Variants in CLSTN2 observed in about 807,000 individuals in gnomAD.
The protein encoded by CLSTN2 is calsyntenin-2.
In CLSTN2, 48 loss-of-function variants were observed where a neutral mutation model predicts 101.2. That is an observed-to-expected ratio of 0.47 (90% CI 0.38 to 0.60). The LOEUF is 0.60. CLSTN2 is among the 20% of genes least tolerant of loss of function. The probability of loss-of-function intolerance (pLI) is 0.00; values close to 1 mark genes in which losing one functional copy is unlikely to be tolerated. For missense variants in CLSTN2, 1,160 were observed against 1,238.2 expected (o/e 0.94, Z 0.95); for synonymous variants, 481 against 463.6 (o/e 1.04, Z -0.48).
intron 1 of CLSTN2, among the ~76,000 whole-genome samples, chr3:139,977,389 G>T (rs924262608): frequency 2.6e-5 from 4 of 152,106 alleles, no homozygotes; most frequent in Non-Finnish European, 5.9e-5. Flanking sequence ...TGGCATCCCT[G>T]GGCTCAGGCC....
intron 2 of CLSTN2, among the ~76,000 whole-genome samples, chr3:140,196,909 C>T (rs2010650431): frequency 6.6e-6 from 1 of 152,212 alleles, no homozygotes; most frequent in Admixed American, 6.5e-5. Flanking sequence ...TTGAAATTTT[C>T]AGAGGTCGTT....
At chr3:140,052,926 G>C (rs980167946) in intron 1 of CLSTN2, among the ~76,000 whole-genome samples, 1 of 152,206 alleles carries the variant, frequency 6.6e-6, no homozygotes, top group Admixed American at 6.5e-5. Context: ...TGTGGTTGCA[G>C]CACATTGTTT....
chr3:140,503,875 C>A (rs548243407), intron 8 of CLSTN2, among the ~76,000 whole-genome samples: 97 of 152,294 alleles, frequency 6.4e-4, no homozygotes, highest in Non-Finnish European at 1.1e-3. Flanking sequence ...GTGGTGGGGT[C>A]TCCTTCCAAG....
chr3:140,111,476 C>A (rs2009154589), intron 1 of CLSTN2, among the ~76,000 whole-genome samples: 1 of 152,122 alleles, frequency 6.6e-6, no homozygotes. Flanking sequence ...ACCCCTGAAG[C>A]CAAGTGGTGG....
At chr3:140,188,549 T>C (rs569102337) in intron 2 of CLSTN2, among the ~76,000 whole-genome samples, 2 of 152,238 alleles carry the variant, frequency 1.3e-5, no homozygotes, top group Admixed American at 1.3e-4. Context: ...CAGATCACCA[T>C]GCACATGCTT....
At chr3:140,002,719 C>A (rs2006867702) in intron 1 of CLSTN2, among the ~76,000 whole-genome samples, 1 of 152,046 alleles carries the variant, frequency 6.6e-6, no homozygotes, top group Non-Finnish European at 1.5e-5. Context: ...GTCTTTAATC[C>A]ATTTTGATTT....
At chr3:140,084,319 C>T (rs2008645573) in intron 1 of CLSTN2, among the ~76,000 whole-genome samples, 1 of 152,172 alleles carries the variant, frequency 6.6e-6, no homozygotes, top group Non-Finnish European at 1.5e-5. Context: ...GTATAGCCTC[C>T]TCCTACAGCC....
At chr3:140,290,730 G>C (rs1409921447) in intron 2 of CLSTN2, among the ~76,000 whole-genome samples, 1 of 152,208 alleles carries the variant, frequency 6.6e-6, no homozygotes, top group Non-Finnish European at 1.5e-5. Flanking sequence ...TAAGTATCCT[G>C]ATTCACACTT....
chr3:140,261,057 T>C (rs1210171481), intron 2 of CLSTN2, among the ~76,000 whole-genome samples: 1 of 152,130 alleles, frequency 6.6e-6, no homozygotes, highest in Non-Finnish European at 1.5e-5. Context: ...GCTCAGGAAG[T>C]GTTTGTTAGG....
At chr3:140,369,286 A>G (rs1002266640) in intron 2 of CLSTN2, among the ~76,000 whole-genome samples, 1 of 152,206 alleles carries the variant, frequency 6.6e-6, no homozygotes, top group African/African-American at 2.4e-5. Context: ...TGTCTTGTGT[A>G]AAATTCATCA....
chr3:140,448,102 T>G (rs1219412426), intron 5 of CLSTN2, among the ~76,000 whole-genome samples: 1 of 152,130 alleles, frequency 6.6e-6, no homozygotes, highest in Non-Finnish European at 1.5e-5. Context: ...GTGAAGTCCT[T>G]GAAGGAGTAT....
chr3:140,439,568 T>G (rs2088736258), intron 5 of CLSTN2, among the ~76,000 whole-genome samples: 1 of 152,244 alleles, frequency 6.6e-6, no homozygotes, highest in Admixed American at 6.5e-5. Flanking sequence ...ATTTGACATT[T>G]ATTGAGAATG....
chr3:140,310,216 T>G (rs1042866848), intron 2 of CLSTN2, among the ~76,000 whole-genome samples: 1 of 152,144 alleles, frequency 6.6e-6, no homozygotes, highest in Non-Finnish European at 1.5e-5. Context: ...TTATAAACCA[T>G]AAACCTGACT....
intron 1 of CLSTN2, among the ~76,000 whole-genome samples, chr3:140,174,064 G>A (rs1206534460): frequency 6.6e-6 from 1 of 152,150 alleles, no homozygotes; most frequent in African/African-American, 2.4e-5. Context: ...GCATTGTCAG[G>A]CTGCAAATTT....
At chr3:140,548,440 T>TA (rs1935644229) in intron 10 of CLSTN2, among the ~76,000 whole-genome samples, 1 of 152,080 alleles carries the variant, frequency 6.6e-6, no homozygotes, top group African/African-American at 2.4e-5. Flanking sequence ...CCAGAGTTAG[T>TA]GATGAGTAGA....
chr3:140,206,350 C>T (rs1342734056), intron 2 of CLSTN2, among the ~76,000 whole-genome samples: 1 of 152,196 alleles, frequency 6.6e-6, no homozygotes, highest in Admixed American at 6.5e-5. Context: ...CTCCTCAGCT[C>T]AACCTCCCCT....
At chr3:140,234,958 C>T (rs960191879) in intron 2 of CLSTN2, among the ~76,000 whole-genome samples, 9 of 152,268 alleles carry the variant, frequency 5.9e-5, no homozygotes, top group Admixed American at 4.6e-4. Context: ...ACAGAGTTCC[C>T]CTCTTTCCCG....
rs189723086 is a variant in CLSTN2 at position 140,497,050 on chromosome 3, G to C, written c.1344+30319G>C. ...TGGGAGGCAGAGATTGCAGTAAGCC[G>C]AGATTGCGCTATTAACCTCTAGCTT... On this transcript the variant is annotated intron_variant, in intron 8 of 16. Coordinates refer to ENST00000458420, the MANE Select transcript of CLSTN2 (RefSeq NM_022131.3). Among the ~76,000 whole-genome samples the C allele has an allele frequency of 3.6e-3, 538 of 148,884 alleles. 2 individuals carry two copies. The highest frequency in any genetic ancestry group is 0.013 in the African/African-American group (522 of 40,152).
chr3:140,415,961 T>A (rs61136956), intron 4 of CLSTN2, among the ~76,000 whole-genome samples: 3,907 of 152,276 alleles, frequency 0.026, 153 homozygotes, highest in African/African-American at 0.088. Context: ...TAAGTGACTG[T>A]TGACAGATGA....
Sources: allele counts gnomAD v4.1 joint callset (sites outside exome capture counted in the v4.1 genomes callset), GRCh38; gene constraint gnomAD v4.1.1; transcripts MANE v1.5; gene names NCBI Gene and HGNC (gene_info 2026-07-23, HGNC 2026-07-21).